The following CEP290 variants were observed in gnomAD, a reference collection of about 807,000 sequenced individuals.
CEP290 encodes centrosomal protein 290.
CEP290 carries 317 observed loss-of-function variants against 344.9 expected under a neutral mutation model. The observed-to-expected ratio is 0.92, with a 90% CI of 0.84 to 1.01. The LOEUF (loss-of-function observed/expected upper bound fraction) is 1.01, where lower values mean the gene tolerates loss of function less well. Ranked by LOEUF, CEP290 falls within the 50% of genes least tolerant of loss-of-function variation. The pLI is 0.00. For synonymous variants in CEP290, 932 were observed against 895.8 expected (o/e 1.04, Z -0.72); for missense variants, 2,754 against 2,761.4 (o/e 1.00, Z 0.06).
intron 11 of CEP290, among the ~76,000 whole-genome samples, chr12:88,127,258 CAGG>C (rs983903800): frequency 6.6e-6 from 1 of 152,134 alleles, no homozygotes; most frequent in African/African-American, 2.4e-5. Flanking sequence ...GAGGCCCAGG[CAGG>C]AGGATCACTT....
At chr12:88,113,353 G>A (rs980784648) in intron 20 of CEP290, among the ~76,000 whole-genome samples, 2 of 151,974 alleles carry the variant, frequency 1.3e-5, no homozygotes, top group Non-Finnish European at 2.9e-5. Flanking sequence ...ATTCAAAGTG[G>A]CAGAGGCAAA....
At chr12:88,086,974 C>T (rs948455360) in intron 32 of CEP290, among the ~76,000 whole-genome samples, 3 of 152,110 alleles carry the variant, frequency 2.0e-5, no homozygotes, top group Non-Finnish European at 4.4e-5. Flanking sequence ...GTAGGATTTA[C>T]TGTTGTATAT....
rs372963403 is a variant in CEP290, at chr12:88,111,744, G to A, written c.2167C>T (p.Arg723Trp). 46 of 1,601,228 alleles carry A rather than the reference G, an allele frequency of 2.9e-5. No individual in the cohort carries two copies. The highest frequency in any genetic ancestry group is 4.6e-5 in the East Asian group (2 of 43,846). ...TGTGAATAATTTATAGCCTCTTTCCGAGATTCCCTGAGCTCCTGTCTTAAT... is the reference window on the plus strand; with the variant it reads ...TGTGAATAATTTATAGCCTCTTTCCAAGATTCCCTGAGCTCCTGTCTTAAT... ...EELRQELRES[R>W]KEAINYSQQL... Residue 723 changes from arginine (R) to tryptophan (W), a missense_variant, in exon 21 of 54, where the codon CGG (arginine) becomes TGG (tryptophan). Transcript: ENST00000552810.
At position 88,090,846 on chromosome 12, in the gene CEP290, A is replaced by C. The variant is rs1281852186; in HGVS notation, c.3462-7T>G. 6.6e-7 allele frequency: 1 copy of C among 1,508,274 alleles called. No individual in the cohort carries two copies. Among genetic ancestry groups the C allele is most frequent in the South Asian group, 1.2e-5 (1 of 82,428 alleles). 93.4% of individuals were successfully genotyped at this position (1,508,274 alleles called of 1,614,324 possible). ...ATCAGAAATCTCTCTCAGTCTAGGA[A>C]ATGATAAGGTATTTCAGGAACAATT... On this transcript the variant is annotated splice_polypyrimidine_tract_variant and splice_region_variant and intron_variant, in intron 29 of 53. Transcript: ENST00000552810.
chr12:88,140,213 T>C (rs1386899473), intron 3 of CEP290, among the ~76,000 whole-genome samples: 2 of 152,194 alleles, frequency 1.3e-5, no homozygotes, highest in Admixed American at 6.5e-5. Context: ...ATTGCTATTA[T>C]TCTAATCCAT....
chr12:88,102,229 T>A (rs1232090401), intron 26 of CEP290, among the ~76,000 whole-genome samples: 1 of 152,222 alleles, frequency 6.6e-6, no homozygotes, highest in Admixed American at 6.5e-5. Context: ...TTGTAACTTA[T>A]GATATTCTAC....
At chr12:88,058,056 G>A (rs1427584406) in intron 49 of CEP290, 2 of 152,258 alleles carry the variant, frequency 1.3e-5, no homozygotes, top group African/African-American at 4.8e-5. Flanking sequence ...AATGGGAAAA[G>A]ACACAGGCAG....
At chr12:88,057,953 G>A (rs1302166570) in intron 49 of CEP290, 2 of 152,254 alleles carry the variant, frequency 1.3e-5, no homozygotes, top group Admixed American at 6.5e-5. Flanking sequence ...GGAACTGTAT[G>A]AGAATGTTGA....
intron 10 of CEP290, among the ~76,000 whole-genome samples, chr12:88,129,256 C>T (rs1219205115): frequency 1.3e-5 from 2 of 151,828 alleles, no homozygotes; most frequent in African/African-American, 4.8e-5. Context: ...GTTTCTGCAT[C>T]TTATAATTGC....
intron 44 of CEP290, among the ~76,000 whole-genome samples, chr12:88,064,380 A>G (rs1357380449): frequency 2.0e-5 from 3 of 152,108 alleles, no homozygotes; most frequent in African/African-American, 7.2e-5. Context: ...CTTCATGTAT[A>G]ATTTCATAAT....
intron 20 of CEP290, among the ~76,000 whole-genome samples, chr12:88,112,235 T>G (rs951731429): frequency 1.3e-5 from 2 of 152,114 alleles, no homozygotes; most frequent in African/African-American, 4.8e-5. Flanking sequence ...GAAAACAATG[T>G]GAGCTCTGCT....
chr12:88,064,035 A>G lies in CEP290; in HGVS notation c.6216T>C (p.Asn2072=). 6.3e-7 allele frequency: 1 copy of G among 1,597,766 alleles called. No homozygotes were observed. The highest frequency in any genetic ancestry group is 8.5e-7 in the Non-Finnish European group (1 of 1,170,952). ...QKENLKLSSE[N]IELKFQLEQA... Reference sequence around the variant, plus strand: ...GTTCAAGCTGAAATTTCAGTTCAATATTTTCAGATGACAACTTCAAGTTTT... The same window carrying G: ...GTTCAAGCTGAAATTTCAGTTCAATGTTTTCAGATGACAACTTCAAGTTTT... Residue 2072 remains asparagine, a synonymous_variant, in exon 45 of 54, where the codon AAT becomes AAC. Transcript: ENST00000552810.
Position 88,111,319 on chromosome 12 carries a change from T to C in CEP290, c.2250A>G (p.Leu750=), listed in dbSNP as rs1273866774. The C allele has an allele frequency of 6.4e-7, 1 of 1,564,188 alleles. No individual in the cohort carries two copies. Among genetic ancestry groups the C allele is most frequent in the East Asian group, 2.4e-5 (1 of 42,546 alleles). The change falls in exon 22 of 54, where the codon TTA becomes TTG. Residue 750 remains leucine, a synonymous_variant. Coordinates refer to ENST00000552810, the MANE Select transcript of CEP290 (RefSeq NM_025114.4). The part of the protein sequence containing the change: ...IDHLEKETSL[L]RQSEGSNVVF... ...CAACATTTGATCCTTCTGATTGTCG[T>C]AAAAGACTAGTTTCTTTTTCAAGAT...
intron 45 of CEP290, 77 bp from the exon 46 acceptor site, chr12:88,062,855 G>T: frequency 3.4e-6 from 3 of 894,460 alleles, no homozygotes; most frequent in South Asian, 1.5e-5. Context: ...CAATTCATAA[G>T]AACCATCAAT....
intron 3 of CEP290, 47 bp downstream of exon 3, chr12:88,140,909 G>T: frequency 7.8e-7 from 1 of 1,274,624 alleles, no homozygotes; most frequent in Non-Finnish European, 1.1e-6. Context: ...GATTTTTATA[G>T]TTCCACTAAT....
intron 10 of CEP290, among the ~76,000 whole-genome samples, chr12:88,129,490 T>C (rs1311719648): frequency 6.6e-6 from 1 of 151,934 alleles, no homozygotes; most frequent in East Asian, 1.9e-4. Flanking sequence ...GTATCATTTA[T>C]ATATCCTAAA....
intron 15 of CEP290, 49 bp downstream of exon 15, chr12:88,120,064 AG>A: frequency 8.2e-7 from 1 of 1,213,846 alleles, no homozygotes; most frequent in Non-Finnish European, 1.1e-6. Flanking sequence ...TTAAAAAAAA[AG>A]ACTTGTAAAT....
At chr12:88,068,402 C>A (rs1394399762) in intron 44 of CEP290, 120 bp downstream of exon 44, 1 of 569,984 alleles carries the variant, frequency 1.8e-6, no homozygotes, top group Non-Finnish European at 2.8e-6. Flanking sequence ...GTTGAATTTA[C>A]TGTATTACTA....
At chr12:88,130,659 T>A in intron 7 of CEP290, 94 bp from the exon 8 acceptor site, 1 of 1,221,416 alleles carries the variant, frequency 8.2e-7, no homozygotes, top group Non-Finnish European at 1.1e-6. Context: ...CAAAAAAATT[T>A]TGGGAAAATG....
Sources: gnomAD v4.1 joint callset for allele counts (sites outside exome capture counted in the v4.1 genomes callset) on GRCh38, gnomAD v4.1.1 for gene constraint, MANE v1.5 for transcripts, NCBI Gene and HGNC (gene_info 2026-07-23, HGNC 2026-07-21) for gene names.